The following JAZF1 variants were observed in gnomAD, a reference collection of about 807,000 sequenced individuals.
JAZF1 encodes juxtaposed with another zinc finger protein 1.
A neutral mutation model predicts 26.4 loss-of-function variants in JAZF1; 8 were observed. The ratio of observed to expected loss-of-function variants is 0.30; its 90% CI spans 0.18 to 0.55. The LOEUF is 0.55. Among genes scored for constraint, JAZF1 ranks in the 20% least tolerant of loss-of-function variants. The pLI, the probability that JAZF1 is intolerant of heterozygous loss-of-function variation, is 0.94. For missense variants in JAZF1, 199 were observed against 322.0 expected (o/e 0.62, Z 2.92); for synonymous variants, 126 against 122.3 (o/e 1.03, Z -0.20).
At chr7:27,930,434 G>C (rs1190174434) in intron 2 of JAZF1, among the ~76,000 whole-genome samples, 1 of 152,156 alleles carries the variant, frequency 6.6e-6, no homozygotes, top group African/African-American at 2.4e-5. Flanking sequence ...TTGCAAACCT[G>C]ACCACTGTTT....
intron 1 of JAZF1, among the ~76,000 whole-genome samples, chr7:28,028,279 C>T (rs1783126383): frequency 6.6e-6 from 1 of 152,148 alleles, no homozygotes; most frequent in Admixed American, 6.5e-5. Flanking sequence ...AATAACTGTT[C>T]ATTAAAACCA....
At chr7:27,987,369 C>A (rs1419477534) in intron 2 of JAZF1, among the ~76,000 whole-genome samples, 1 of 150,598 alleles carries the variant, frequency 6.6e-6, no homozygotes, top group African/African-American at 2.5e-5. Context: ...AGGTGAGGAG[C>A]GTCTCTGCCC....
chr7:28,079,986 T>C (rs1784109903), intron 1 of JAZF1, among the ~76,000 whole-genome samples: 1 of 151,618 alleles, frequency 6.6e-6, no homozygotes. Context: ...ATTTACACTA[T>C]ACTGTAGTCT....
chr7:28,138,063 C>G (rs1459950132), intron 1 of JAZF1, among the ~76,000 whole-genome samples: 1 of 152,178 alleles, frequency 6.6e-6, no homozygotes, highest in Non-Finnish European at 1.5e-5. Flanking sequence ...CTGTTCAATG[C>G]TTCTCACAAG....
intron 1 of JAZF1, among the ~76,000 whole-genome samples, chr7:28,157,504 T>C (rs560322940): frequency 6.6e-6 from 1 of 152,302 alleles, no homozygotes; most frequent in East Asian, 1.9e-4. Flanking sequence ...TCACATTTTT[T>C]CCAACCATTT....
At chr7:28,123,468 T>C (rs963737203) in intron 1 of JAZF1, among the ~76,000 whole-genome samples, 5 of 152,230 alleles carry the variant, frequency 3.3e-5, no homozygotes, top group East Asian at 1.9e-4. Flanking sequence ...GTAGGGACCA[T>C]GACTATTTTA....
At chr7:27,849,048 C>T (rs1783081127) in intron 3 of JAZF1, among the ~76,000 whole-genome samples, 1 of 152,226 alleles carries the variant, frequency 6.6e-6, no homozygotes, top group African/African-American at 2.4e-5. Context: ...GGATGTGCCA[C>T]AGGTCACCTG....
rs79907492 is a variant in JAZF1, at chr7:28,127,496, T to C, written c.115+52967A>G. 8.7e-3 allele frequency among the ~76,000 whole-genome samples: 1,319 copies of C among 152,166 alleles called. 17 individuals are homozygous for C. Among genetic ancestry groups the C allele is most frequent in the African/African-American group, 0.03 (1,249 of 41,496 alleles). On this transcript the variant is annotated intron_variant, in intron 1 of 4. Transcript: ENST00000283928. ...CCTTCACCAGGCTTGCCTTAATTCA[T>C]GTTAACCCTTAGAGAGAAACACCAC...
At chr7:27,970,573 G>A (rs568538735) in intron 2 of JAZF1, among the ~76,000 whole-genome samples, 24 of 152,198 alleles carry the variant, frequency 1.6e-4, no homozygotes, top group African/African-American at 3.9e-4. Flanking sequence ...CAGTATCTAC[G>A]CATGACTTTG....
chr7:27,954,124 T>A (rs1785050820), intron 2 of JAZF1, among the ~76,000 whole-genome samples: 1 of 152,206 alleles, frequency 6.6e-6, no homozygotes, highest in African/African-American at 2.4e-5. Flanking sequence ...GCAAACATCC[T>A]AGAGGCTTCT....
chr7:28,026,892 T>C (rs1218591353), intron 1 of JAZF1, among the ~76,000 whole-genome samples: 1 of 152,208 alleles, frequency 6.6e-6, no homozygotes, highest in Non-Finnish European at 1.5e-5. Context: ...TTACCTCAGT[T>C]TTCCACTGCA....
At chr7:27,906,334 C>T (rs928694835) in intron 2 of JAZF1, among the ~76,000 whole-genome samples, 2 of 152,176 alleles carry the variant, frequency 1.3e-5, no homozygotes, top group Non-Finnish European at 2.9e-5. Flanking sequence ...AGCAGACTAG[C>T]AGCTGTGGTG....
chr7:27,842,059 G>A (rs1037559242), intron 3 of JAZF1: 4 of 152,042 alleles, frequency 2.6e-5, no homozygotes, highest in African/African-American at 7.3e-5. Context: ...CACTTTTATT[G>A]GGTTTCATTT....
intron 1 of JAZF1, among the ~76,000 whole-genome samples, chr7:28,021,132 C>A (rs975360310): frequency 6.6e-6 from 1 of 151,994 alleles, no homozygotes; most frequent in Non-Finnish European, 1.5e-5. Flanking sequence ...GACCCCATCA[C>A]GGTGAAGTAA....
intron 1 of JAZF1, among the ~76,000 whole-genome samples, chr7:28,010,054 T>C (rs1357101675): frequency 6.6e-6 from 1 of 152,174 alleles, no homozygotes; most frequent in Non-Finnish European, 1.5e-5. Context: ...CCCCCTACAC[T>C]CCAGCAACTC....
intron 1 of JAZF1, among the ~76,000 whole-genome samples, chr7:28,163,541 G>A (rs527959138): frequency 3.3e-5 from 5 of 152,270 alleles, no homozygotes; most frequent in Admixed American, 1.3e-4. Flanking sequence ...CAGAAGACTG[G>A]GCAACCCAAA....
chr7:28,153,936 CT>C (rs994153749), intron 1 of JAZF1, among the ~76,000 whole-genome samples: 3 of 152,094 alleles, frequency 2.0e-5, no homozygotes, highest in Non-Finnish European at 2.9e-5. Context: ...CCCCCTCCCC[CT>C]GGAACAATTA....
At chr7:28,165,642 T>C (rs572101620) in intron 1 of JAZF1, among the ~76,000 whole-genome samples, 2 of 152,180 alleles carry the variant, frequency 1.3e-5, no homozygotes, top group South Asian at 4.1e-4. Context: ...CCTGGAACAT[T>C]CTTCCCCTAG....
At chr7:28,051,960 T>C (rs1448802007) in intron 1 of JAZF1, among the ~76,000 whole-genome samples, 1 of 152,216 alleles carries the variant, frequency 6.6e-6, no homozygotes, top group Non-Finnish European at 1.5e-5. Context: ...TTTTTTTCTG[T>C]TTAGAAGCCA....
Sources: allele counts gnomAD v4.1 joint callset (sites outside exome capture counted in the v4.1 genomes callset), GRCh38; gene constraint gnomAD v4.1.1; transcripts MANE v1.5; gene names NCBI Gene and HGNC (gene_info 2026-07-23, HGNC 2026-07-21).